CCDC191: variants seen among roughly 807,000 people sequenced by gnomAD.
CCDC191 encodes the protein coiled-coil domain containing 191.
A neutral mutation model predicts 114.0 loss-of-function variants in CCDC191; 99 were observed. That is an observed-to-expected ratio of 0.87 (90% CI 0.74 to 1.03). CCDC191 has a LOEUF of 1.03. Ranked by LOEUF, CCDC191 falls within the 50% of genes least tolerant of loss-of-function variation. The pLI, the probability that CCDC191 is intolerant of heterozygous loss-of-function variation, is 0.00. For synonymous variants in CCDC191, 351 were observed against 376.0 expected, an observed-to-expected ratio of 0.93 and a Z score of 0.77; for missense variants, 973 against 1,087.0, an observed-to-expected ratio of 0.90 and a Z score of 1.47.
At chr3:114,001,828 A>G (rs927504638) in intron 12 of CCDC191, 132 bp from the exon 13 acceptor site, 36 of 1,116,424 alleles carry the variant, frequency 3.2e-5, no homozygotes, top group Non-Finnish European at 4.4e-5. Context: ...ATTTTGTGAT[A>G]AAAGTAGAAA....
At chr3:114,025,504 A>T (rs2107712999) in intron 7 of CCDC191, among the ~76,000 whole-genome samples, 1 of 152,332 alleles carries the variant, frequency 6.6e-6, no homozygotes, top group East Asian at 1.9e-4. Flanking sequence ...TTCTGCTAAA[A>T]AGTTTCAGTT....
intron 8 of CCDC191, among the ~76,000 whole-genome samples, chr3:114,017,307 T>C (rs1166564240): frequency 6.6e-6 from 1 of 152,160 alleles, no homozygotes; most frequent in East Asian, 1.9e-4. Context: ...TCAAGGCCCA[T>C]CTTCTTGATA....
At chr3:114,025,311 C>CAAAGAAT (rs2107712656) in intron 7 of CCDC191, among the ~76,000 whole-genome samples, 1 of 145,320 alleles carries the variant, frequency 6.9e-6, no homozygotes, top group East Asian at 2.0e-4. Flanking sequence ...AAAGCAGAAA[C>CAAAGAAT]AAAGAATAAA....
At chr3:114,052,683 T>G (rs897172003) in intron 2 of CCDC191, among the ~76,000 whole-genome samples, 1 of 152,344 alleles carries the variant, frequency 6.6e-6, no homozygotes, top group East Asian at 1.9e-4. Flanking sequence ...CTGCTCTGTT[T>G]TAGCTCCAAC....
At chr3:114,021,013 T>G (rs957960521) in intron 7 of CCDC191, among the ~76,000 whole-genome samples, 15 of 152,038 alleles carry the variant, frequency 9.9e-5, no homozygotes, top group Non-Finnish European at 2.2e-4. Flanking sequence ...TAGAGAAAGG[T>G]TTAATGACTA....
chr3:113,980,274 C>A (rs985143909), intron 14 of CCDC191, among the ~76,000 whole-genome samples: 4 of 152,164 alleles, frequency 2.6e-5, no homozygotes, highest in African/African-American at 9.7e-5. Flanking sequence ...GAAATAAATA[C>A]TTGAGCTGTA....
chr3:113,970,872 C>T (rs1342807283), intron 16 of CCDC191, among the ~76,000 whole-genome samples: 1 of 152,142 alleles, frequency 6.6e-6, no homozygotes, highest in Non-Finnish European at 1.5e-5. Flanking sequence ...CCAGCTTCAT[C>T]CATGTCCCTA....
intron 2 of CCDC191, among the ~76,000 whole-genome samples, chr3:114,052,521 G>C (rs1308965965): frequency 6.6e-6 from 1 of 152,012 alleles, no homozygotes; most frequent in Non-Finnish European, 1.5e-5. Flanking sequence ...TCTAAGTTAG[G>C]CTTTCTGCAG....
At position 113,978,953 on chromosome 3, in the gene CCDC191, G is replaced by A; in HGVS notation, c.2365C>T (p.Gln789Ter). Residue 789 changes from glutamine (Q) to a stop codon, truncating the protein, a stop_gained, in exon 15 of 17, where the codon CAG (glutamine) becomes TAG (stop). Transcript: ENST00000295878. LOFTEE classifies it high-confidence loss of function. ...LQRKYMLTWF[Q>*]RSQESLARKM... Reference sequence around the variant, plus strand: ...CTAGCCAGACTTTCCTGACTACGCTGGAACCACGTCAGCATGTATTTCCTC... The same window carrying A: ...CTAGCCAGACTTTCCTGACTACGCTAGAACCACGTCAGCATGTATTTCCTC... 1 of 1,613,982 alleles carries A rather than the reference G, an allele frequency of 6.2e-7. No homozygotes were observed.
intron 13 of CCDC191, chr3:113,984,242 T>C (rs1163601362): frequency 2.6e-5 from 4 of 152,086 alleles, no homozygotes; most frequent in South Asian, 2.1e-4. Context: ...TTTTTATCTA[T>C]GTCATTAGAA....
At chr3:114,015,991 T>C (rs753378957) in intron 8 of CCDC191, among the ~76,000 whole-genome samples, 62 of 151,602 alleles carry the variant, frequency 4.1e-4, no homozygotes, top group Non-Finnish European at 7.4e-4. Flanking sequence ...AGAGAGAAAG[T>C]GGGAAGAACA....
chr3:113,977,997 T>TAAAG (rs1448459090), intron 16 of CCDC191, among the ~76,000 whole-genome samples, 189 bp downstream of exon 16: 3 of 152,266 alleles, frequency 2.0e-5, no homozygotes, highest in Non-Finnish European at 4.4e-5. Context: ...CTTCTCTTTT[T>TAAAG]AAAGATGGAA....
At chr3:114,056,531 C>T (rs762329178), upstream of CCDC191, 9 of 1,611,446 alleles carry the variant, frequency 5.6e-6, no homozygotes, top group African/African-American at 4.0e-5. Flanking sequence ...CGGGCTGCCT[C>T]CGGGTCACGC....
chr3:114,042,696 T>C lies in CCDC191; in HGVS notation c.415+7A>G. The C allele has an allele frequency of 6.4e-7, 1 of 1,565,672 alleles. No homozygotes were observed. Among genetic ancestry groups the C allele is most frequent in the Non-Finnish European group, 8.6e-7 (1 of 1,162,114 alleles). ...TTAAAACTTAGAACAATCAGGTAAG[T>C]TCTTACCATCAAACTTGTCATATTT... is the stretch of plus-strand genomic sequence containing the variant. On this transcript the variant is annotated splice_region_variant and intron_variant, in intron 4 of 16. Coordinates refer to ENST00000295878, the MANE Select transcript of CCDC191 (RefSeq NM_020817.2).
At chr3:114,006,001 G>T (rs2075952355) in intron 9 of CCDC191, 39 bp from the exon 10 acceptor site, 2 of 1,543,226 alleles carry the variant, frequency 1.3e-6, no homozygotes, top group East Asian at 4.5e-5. Flanking sequence ...ACTATTTAAA[G>T]GACTGTGCTG....
chr3:114,006,617 T>TA (rs1553747224), intron 9 of CCDC191, among the ~76,000 whole-genome samples: 1 of 118,466 alleles, frequency 8.4e-6, no homozygotes, highest in African/African-American at 3.5e-5. Context: ...TATATATATA[T>TA]AAATATATAT....
At chr3:114,011,229 T>TCAAGA (rs1453679140) in intron 8 of CCDC191, among the ~76,000 whole-genome samples, 1 of 152,132 alleles carries the variant, frequency 6.6e-6, no homozygotes, top group African/African-American at 2.4e-5. Context: ...TTCAACAGAT[T>TCAAGA]ACCTTCAAGA....
chr3:114,007,661 G>T (rs1192733473), intron 9 of CCDC191, among the ~76,000 whole-genome samples: 1 of 152,064 alleles, frequency 6.6e-6, no homozygotes, highest in Non-Finnish European at 1.5e-5. Context: ...AGAACATGAA[G>T]GAAAAGCTTA....
At position 114,046,662 on chromosome 3, in the gene CCDC191, C is replaced by T. The variant is rs1490268114; in HGVS notation, c.200G>A (p.Ser67Asn). ...CAAATCTGTGATTTGGCCCCAGGGACTTCTAGGTAAATCTGAATTTCTAGT... is the reference window on the plus strand; with the variant it reads ...CAAATCTGTGATTTGGCCCCAGGGATTTCTAGGTAAATCTGAATTTCTAGT... ...FFTRNSDLPR[S>N]PWGQITDLKT... The change falls in exon 3 of 17, where the codon AGT (serine) becomes AAT (asparagine). Residue 67 changes from serine (S) to asparagine (N), a missense_variant. Transcript: ENST00000295878. The T allele has an allele frequency of 1.9e-6, 3 of 1,612,514 alleles. No individual in the cohort carries two copies. In the East Asian group the frequency reaches 6.7e-5, roughly 36 times the overall value.
Sources: gnomAD v4.1 joint callset for allele counts (sites outside exome capture counted in the v4.1 genomes callset) on GRCh38, gnomAD v4.1.1 for gene constraint, MANE v1.5 for transcripts, NCBI Gene and HGNC (gene_info 2026-07-23, HGNC 2026-07-21) for gene names.